RAB9B: variants seen among roughly 807,000 people sequenced by gnomAD.
RAB9B encodes ras-related protein Rab-9B.
In RAB9B, 1 loss-of-function variant was observed where a neutral mutation model predicts 8.9. The ratio of observed to expected loss-of-function variants is 0.11; its 90% CI spans 0.04 to 0.53. The LOEUF (loss-of-function observed/expected upper bound fraction) is 0.53. RAB9B is among the 20% of genes least tolerant of loss of function. The pLI, the probability that RAB9B is intolerant of heterozygous loss-of-function variation, is 0.93. For synonymous variants in RAB9B, 63 were observed against 57.0 expected (o/e 1.10, Z -0.47); for missense variants, 82 against 152.9 (o/e 0.54, Z 2.45).
At chrX:103,786,072 G>GGA in the RAB9B span, 1 of 1,044,075 alleles carries the variant, frequency 9.6e-7, no homozygotes, top group African/African-American at 1.9e-5. Context: ...TAGTAGGTAT[G>GGA]GAGAAGCCAA....
At chrX:103,786,123 C>T in the RAB9B span, 1 of 1,091,807 alleles carries the variant, frequency 9.2e-7, no homozygotes, top group Non-Finnish European at 1.2e-6. Flanking sequence ...ACAAGTTAGG[C>T]TCCTGTTCCT....
the RAB9B span, among the ~76,000 whole-genome samples, chrX:103,782,560 T>C: frequency 1.8e-5 from 2 of 112,053 alleles, no homozygotes; most frequent in East Asian, 5.6e-4. Flanking sequence ...TTCCCTCTCA[T>C]CTTTGCAACC....
At chrX:103,826,076 G>T (rs1011202162) in intron 2 of RAB9B, among the ~76,000 whole-genome samples, 2 of 111,942 alleles carry the variant, frequency 1.8e-5, no homozygotes, top group Non-Finnish European at 3.8e-5. Context: ...CTAGCAGATG[G>T]TCCTGTAATT....
At chrX:103,802,212 G>C in the RAB9B span, among the ~76,000 whole-genome samples, 287 of 94,384 alleles carry the variant, frequency 3.0e-3, 4 homozygotes, top group Non-Finnish European at 4.7e-3. Flanking sequence ...GAGAAAGAGA[G>C]AGAGAGACAG....
the RAB9B span, chrX:103,789,152 T>C: frequency 2.4e-5 from 12 of 492,377 alleles, no homozygotes; most frequent in African/African-American, 2.8e-4. Flanking sequence ...ATGGGCCAGG[T>C]GCTATGGTGT....
At chrX:103,790,256 T>C in the RAB9B span, among the ~76,000 whole-genome samples, 5 of 112,243 alleles carry the variant, frequency 4.5e-5, no homozygotes, top group Non-Finnish European at 7.5e-5. Context: ...GAAAACTCAG[T>C]GCTAGATCAA....
chrX:103,783,580 C>T, the RAB9B span, among the ~76,000 whole-genome samples: 2 of 112,020 alleles, frequency 1.8e-5, no homozygotes, highest in African/African-American at 3.2e-5. Flanking sequence ...GCCTCTACCT[C>T]GATTTTCCCA....
the RAB9B span, among the ~76,000 whole-genome samples, chrX:103,796,996 C>T: frequency 6.5e-5 from 7 of 107,711 alleles, no homozygotes; most frequent in African/African-American, 1.7e-4. Flanking sequence ...CATTACACTC[C>T]GTCCTGGGCA....
chrX:103,810,085 A>G, the RAB9B span, among the ~76,000 whole-genome samples: 5 of 111,560 alleles, frequency 4.5e-5, no homozygotes, highest in African/African-American at 9.8e-5. Context: ...GTGAGACACA[A>G]TAGAATTTTT....
chrX:103,780,617 T>G, the RAB9B span, among the ~76,000 whole-genome samples: 1 of 111,561 alleles, frequency 9.0e-6, no homozygotes, highest in African/African-American at 3.3e-5. Flanking sequence ...AGGCTTGGAT[T>G]CCCAGGCCCC....
the RAB9B span, among the ~76,000 whole-genome samples, chrX:103,808,539 A>G: frequency 2.7e-5 from 3 of 112,628 alleles, no homozygotes; most frequent in African/African-American, 6.5e-5. Context: ...AGATCGATAC[A>G]CATCACACGT....
the RAB9B span, among the ~76,000 whole-genome samples, chrX:103,803,409 G>A: frequency 8.9e-6 from 1 of 112,042 alleles, no homozygotes; most frequent in Non-Finnish European, 1.9e-5. Flanking sequence ...GGTATGAAGT[G>A]AAATCTCATT....
intron 2 of RAB9B, among the ~76,000 whole-genome samples, chrX:103,826,290 C>T (rs756062588): frequency 2.7e-5 from 3 of 112,068 alleles, no homozygotes; most frequent in Non-Finnish European, 5.6e-5. Context: ...TTGATTCTGT[C>T]GGTAGAGGTC....
the RAB9B span, chrX:103,786,532 C>T: frequency 6.6e-6 from 8 of 1,210,790 alleles, no homozygotes; most frequent in Non-Finnish European, 7.8e-6. Flanking sequence ...GGCCCTCCTG[C>T]TGGCTGAGGG....
chrX:103,777,082 T>G, the RAB9B span: 1 of 823,819 alleles, frequency 1.2e-6, no homozygotes, highest in Non-Finnish European at 1.8e-6. Context: ...GGTTCGGGGG[T>G]TCCATGGTTT....
In RAB9B at chrX:103,825,185, G is replaced by A. The variant is rs1207527094; in HGVS notation, c.600C>T (p.Cys200=). The A allele has an allele frequency of 8.3e-6, 10 of 1,204,473 alleles. No individual in the cohort carries two copies. The highest frequency in any genetic ancestry group is 2.3e-4 in the Middle Eastern group (1 of 4,338). The stretch of plus-strand genomic sequence containing the variant: ...TTTAAAAGGCTCCCTATCTTTAACA[G>A]CACGAAGACCCTGCTTTGGAGCCAC... The part of the protein sequence containing the change: ...LNSGSKAGSS[C]C Residue 200 remains cysteine, a synonymous_variant, in exon 3 of 3, where the codon TGC becomes TGT. Transcript: ENST00000243298.
chrX:103,780,196 A>C, the RAB9B span: 1 of 112,664 alleles, frequency 8.9e-6, no homozygotes, highest in Non-Finnish European at 1.9e-5. Context: ...GGAAGAGAAT[A>C]AGGTTCCCCA....
the RAB9B span, among the ~76,000 whole-genome samples, chrX:103,779,508 A>G: frequency 8.9e-6 from 1 of 112,193 alleles, no homozygotes; most frequent in Non-Finnish European, 1.9e-5. Context: ...CAGCATGTTC[A>G]CCTAGTCTTC....
the RAB9B span, among the ~76,000 whole-genome samples, chrX:103,813,745 C>CAAAAAAAAAAAAA: frequency 1.1e-3 from 9 of 8,541 alleles, 2 homozygotes; most frequent in Non-Finnish European, 1.3e-3. Context: ...AAATGGAAAG[C>CAAAAAAAAAAAAA]AAAAAAAAAA....
Sources: gnomAD v4.1 joint callset for allele counts (sites outside exome capture counted in the v4.1 genomes callset) on GRCh38, gnomAD v4.1.1 for gene constraint, MANE v1.5 for transcripts, NCBI Gene and HGNC (gene_info 2026-07-23, HGNC 2026-07-21) for gene names.